MGMT: variants seen among roughly 807,000 people sequenced by gnomAD.
The protein encoded by MGMT is O-6-methylguanine-DNA methyltransferase, also known as methylated-DNA--protein-cysteine methyltransferase.
Under a neutral mutation model 15.9 loss-of-function variants are expected in MGMT, and 14 were observed. The ratio of observed to expected loss-of-function variants is 0.88; its 90% CI spans 0.58 to 1.37. The LOEUF is 1.37. MGMT is among the 40% of genes most tolerant of loss of function. MGMT has a pLI of 0.00. For synonymous variants in MGMT, 130 were observed against 118.2 expected (o/e 1.10, Z -0.65); for missense variants, 282 against 268.1 (o/e 1.05, Z -0.36).
chr10:129,660,775 A>AACACACACAC (rs10634898), intron 2 of MGMT, among the ~76,000 whole-genome samples: 1 of 149,056 alleles, frequency 6.7e-6, no homozygotes, highest in Admixed American at 6.7e-5. Flanking sequence ...CCCCACCCCC[A>AACACACACAC]ACACACACAC....
chr10:129,639,734 G>A (rs964436586), intron 2 of MGMT, among the ~76,000 whole-genome samples: 1 of 151,964 alleles, frequency 6.6e-6, no homozygotes, highest in Non-Finnish European at 1.5e-5. Flanking sequence ...ATAGCAAAAG[G>A]TCTCAAAACA....
chr10:129,591,584 C>T (rs1164170897), intron 2 of MGMT, among the ~76,000 whole-genome samples: 1 of 152,184 alleles, frequency 6.6e-6, no homozygotes, highest in Non-Finnish European at 1.5e-5. Context: ...TGCAGCTGTC[C>T]ACCTACTCCT....
chr10:129,689,401 G>C (rs1847945838), intron 2 of MGMT, among the ~76,000 whole-genome samples: 1 of 152,220 alleles, frequency 6.6e-6, no homozygotes, highest in South Asian at 2.1e-4. Flanking sequence ...TTGATTCTTA[G>C]AGATAGGAGT....
intron 3 of MGMT, among the ~76,000 whole-genome samples, chr10:129,728,599 GCC>G (rs1848460348): frequency 6.6e-6 from 1 of 151,976 alleles, no homozygotes; most frequent in South Asian, 2.1e-4. Context: ...CCTGGCTCTT[GCC>G]CATGCCCCTC....
intron 1 of MGMT, among the ~76,000 whole-genome samples, chr10:129,467,772 G>A (rs1201185533): frequency 3.9e-5 from 6 of 152,332 alleles, no homozygotes; most frequent in East Asian, 3.9e-4. Flanking sequence ...TACTATGGCT[G>A]GTGTTTGTGT....
chr10:129,619,767 T>C (rs1254731359), intron 2 of MGMT, among the ~76,000 whole-genome samples: 1 of 152,234 alleles, frequency 6.6e-6, no homozygotes, highest in African/African-American at 2.4e-5. Flanking sequence ...AATCTTCTCT[T>C]ATCCAGTTAT....
intron 3 of MGMT, among the ~76,000 whole-genome samples, chr10:129,752,575 GTGTTT>G (rs1335678854): frequency 2.6e-5 from 4 of 151,188 alleles, no homozygotes; most frequent in East Asian, 3.9e-4. Flanking sequence ...ACTTGTTTTA[GTGTTT>G]TGTTTTATTT....
At chr10:129,683,395 T>C (rs1204040004) in intron 2 of MGMT, among the ~76,000 whole-genome samples, 5 of 152,342 alleles carry the variant, frequency 3.3e-5, no homozygotes, top group Admixed American at 1.3e-4. Context: ...GATGGTTCTT[T>C]GATTAGCCTC....
intron 1 of MGMT, among the ~76,000 whole-genome samples, chr10:129,523,118 C>T (rs540697610): frequency 6.6e-6 from 1 of 152,360 alleles, no homozygotes; most frequent in Admixed American, 6.5e-5. Flanking sequence ...CTGTGCAGCG[C>T]AGCAGTTAGT....
At chr10:129,695,367 T>A (rs1336584100) in intron 2 of MGMT, among the ~76,000 whole-genome samples, 1 of 152,220 alleles carries the variant, frequency 6.6e-6, no homozygotes, top group Admixed American at 6.5e-5. Context: ...ATTATTTATT[T>A]AGAACTGTAC....
intron 2 of MGMT, among the ~76,000 whole-genome samples, chr10:129,550,503 G>A (rs1363966762): frequency 6.6e-6 from 1 of 150,384 alleles, no homozygotes; most frequent in African/African-American, 2.5e-5. Context: ...CTGGAGTACA[G>A]TGGTGCGATC....
At chr10:129,551,192 C>T (rs2119788856) in intron 2 of MGMT, among the ~76,000 whole-genome samples, 1 of 152,262 alleles carries the variant, frequency 6.6e-6, no homozygotes, top group South Asian at 2.1e-4. Context: ...AAAACAGGAC[C>T]CAAGTACATG....
At chr10:129,600,296 CA>C (rs1263409755) in intron 2 of MGMT, among the ~76,000 whole-genome samples, 17 of 152,290 alleles carry the variant, frequency 1.1e-4, no homozygotes, top group Admixed American at 1.1e-3. Flanking sequence ...TTAGTCCCTA[CA>C]AACCCACCTG....
At chr10:129,669,335 T>C (rs1228544960) in intron 2 of MGMT, among the ~76,000 whole-genome samples, 1 of 152,142 alleles carries the variant, frequency 6.6e-6, no homozygotes, top group Non-Finnish European at 1.5e-5. Context: ...CCACCTCTAA[T>C]TTCCTTTTTT....
chr10:129,759,791 A>G (rs756553983), intron 4 of MGMT, among the ~76,000 whole-genome samples: 8 of 151,980 alleles, frequency 5.3e-5, no homozygotes, highest in Non-Finnish European at 1.2e-4. Flanking sequence ...AAGGGTGCAC[A>G]TCCAACCCCA....
rs1358423378 is a variant in MGMT, at chr10:129,659,592, T to C, written c.126-48303T>C. On this transcript the variant is annotated intron_variant, in intron 2 of 4. Transcript: ENST00000651593. This position sits in a 1 kb window ranked among gnomAD's most constrained non-coding sequence, Gnocchi z 4.1. Reference sequence around the variant, plus strand: ...ACTGGCATTATTATTTAATGATGAGTTAGTGCAAATTGAGGGGTGAGGAAG... The same window carrying C: ...ACTGGCATTATTATTTAATGATGAGCTAGTGCAAATTGAGGGGTGAGGAAG... Among the ~76,000 whole-genome samples the C allele has an allele frequency of 6.6e-6, 1 of 152,028 alleles. No individual in the cohort carries two copies. Among genetic ancestry groups the C allele is most frequent in the Non-Finnish European group, 1.5e-5 (1 of 68,012 alleles).
At chr10:129,596,684 G>A (rs1286004735) in intron 2 of MGMT, among the ~76,000 whole-genome samples, 2 of 152,202 alleles carry the variant, frequency 1.3e-5, no homozygotes, top group South Asian at 4.1e-4. Flanking sequence ...ACCTGCTTTT[G>A]ATGCCTCAAG....
intron 4 of MGMT, among the ~76,000 whole-genome samples, 165 bp downstream of exon 4, chr10:129,759,506 G>T (rs1848847169): frequency 6.6e-6 from 1 of 152,154 alleles, no homozygotes; most frequent in Non-Finnish European, 1.5e-5. Flanking sequence ...TCCAGAAGAG[G>T]CAAGGAGGCT....
intron 1 of MGMT, among the ~76,000 whole-genome samples, chr10:129,524,154 G>T (rs572947292): frequency 5.3e-5 from 8 of 152,320 alleles, no homozygotes; most frequent in Admixed American, 4.6e-4. Context: ...TCTGCCTCCT[G>T]GCTCTGGCAC....
Sources: gnomAD v4.1 joint callset for allele counts (sites outside exome capture counted in the v4.1 genomes callset) on GRCh38, gnomAD v4.1.1 for gene constraint, Gnocchi (gnomAD v3.1) non-coding constraint, MANE v1.5 for transcripts, NCBI Gene and HGNC (gene_info 2026-07-23, HGNC 2026-07-21) for gene names.